Variants in VWA5A observed in about 807,000 individuals in gnomAD.
The protein encoded by VWA5A is von Willebrand factor A domain containing 5A, also known as von Willebrand factor A domain-containing protein 5A.
VWA5A carries 77 observed loss-of-function variants against 84.6 expected under a neutral mutation model. The observed-to-expected ratio is 0.91, with a 90% CI of 0.76 to 1.10. VWA5A has a LOEUF of 1.10. Among genes scored for constraint, VWA5A ranks in the 50% least tolerant of loss-of-function variants. The probability of loss-of-function intolerance (pLI) is 0.00; values close to 1 mark genes in which losing one functional copy is unlikely to be tolerated. For synonymous variants in VWA5A, 334 were observed against 350.1 expected, an observed-to-expected ratio of 0.95 and a Z score of 0.51; for missense variants, 973 against 963.0, an observed-to-expected ratio of 1.01 and a Z score of -0.14.
chr11:124,118,104 G>T (rs1234960787), intron 4 of VWA5A, 85 bp from the exon 5 acceptor site: 27 of 1,428,270 alleles, frequency 1.9e-5, no homozygotes, highest in Non-Finnish European at 2.5e-5. Flanking sequence ...CAATCACACA[G>T]TCGCTCTGCA....
At chr11:124,134,010 A>G (rs1865135822) in intron 11 of VWA5A, among the ~76,000 whole-genome samples, 2 of 152,224 alleles carry the variant, frequency 1.3e-5, no homozygotes, top group Non-Finnish European at 2.9e-5. Context: ...CACCACACCC[A>G]GCCAATATTG....
At chr11:124,134,584 T>C (rs972011010) in intron 11 of VWA5A, among the ~76,000 whole-genome samples, 13 of 152,098 alleles carry the variant, frequency 8.5e-5, no homozygotes, top group Admixed American at 8.5e-4. Context: ...CAGAGAGATC[T>C]TGCAGTAAGA....
In VWA5A at chr11:124,138,148, C is replaced by T. The variant is rs539830043; in HGVS notation, c.1879+880C>T. On this transcript the variant is annotated intron_variant, in intron 15 of 18. Transcript: ENST00000456829. Reference sequence around the variant, plus strand: ...TTGTTGCAAATAACAGAATTTTGTTCTTTTTTATGGCTGAATAATGTTACA... The same window carrying T: ...TTGTTGCAAATAACAGAATTTTGTTTTTTTTTATGGCTGAATAATGTTACA... Among the ~76,000 whole-genome samples the T allele has an allele frequency of 6.6e-5, 10 of 152,230 alleles. No homozygotes were observed. The South Asian group carries it at 2.1e-3, about 32-fold the overall frequency.
At chr11:124,118,890 T>C (rs1864885941) in intron 6 of VWA5A, 85 bp from the exon 7 acceptor site, 4 of 1,408,122 alleles carry the variant, frequency 2.8e-6, no homozygotes, top group Non-Finnish European at 3.9e-6. Flanking sequence ...TGCTGTCTTA[T>C]GGAGGAGGAC....
In VWA5A at chr11:124,122,948, C is replaced by A; in HGVS notation, c.761-12C>A. The A allele has an allele frequency of 6.2e-7, 1 of 1,607,678 alleles. No homozygotes were observed. The highest frequency in any genetic ancestry group is 1.1e-5 in the South Asian group (1 of 89,946). ...CTTTTTGTCTTACAGTGGCTTTATC[C>A]TTTCTGAACAGGTCATTTGATGGGA... On this transcript the variant is annotated splice_polypyrimidine_tract_variant and intron_variant, in intron 7 of 18. Transcript: ENST00000456829.
At position 124,117,846 on chromosome 11, in the gene VWA5A, A is replaced by G. The variant is rs1864859986; in HGVS notation, c.217A>G (p.Ile73Val). Residue 73 changes from isoleucine to valine, a missense_variant, in exon 4 of 19, where the codon ATT becomes GTT. Coordinates refer to ENST00000456829, the MANE Select transcript of VWA5A (RefSeq NM_001130142.2). ...SFEALVDGKK[I>V]VAELQDKMKA... The stretch of plus-strand genomic sequence containing the variant: ...TGAGGCCTTGGTGGATGGGAAGAAA[A>G]TTGTAGCAGAATTACAAGACAAGAT... 2 of 1,614,046 alleles carry G rather than the reference A, an allele frequency of 1.2e-6. No homozygotes were observed. The highest frequency in any genetic ancestry group is 1.7e-6 in the Non-Finnish European group (2 of 1,180,030).
At chr11:124,140,126 T>C (rs1387696490) in intron 15 of VWA5A, among the ~76,000 whole-genome samples, 4 of 152,214 alleles carry the variant, frequency 2.6e-5, no homozygotes, top group Non-Finnish European at 5.9e-5. Flanking sequence ...TTTCATCTCT[T>C]GGATGAATCA....
chr11:124,140,211 A>G (rs1860699793), intron 15 of VWA5A, among the ~76,000 whole-genome samples: 1 of 152,184 alleles, frequency 6.6e-6, no homozygotes, highest in Non-Finnish European at 1.5e-5. Context: ...AGGATTGTGC[A>G]TCTATGTTAA....
intron 7 of VWA5A, 132 bp downstream of exon 7, chr11:124,119,221 C>T (rs986418365): frequency 3.7e-6 from 3 of 815,378 alleles, no homozygotes; most frequent in Admixed American, 5.2e-5. Context: ...AAATAGTTTA[C>T]ACTATGTCAT....
intron 11 of VWA5A, among the ~76,000 whole-genome samples, chr11:124,125,085 C>T (rs1864998804): frequency 6.6e-6 from 1 of 152,082 alleles, no homozygotes; most frequent in East Asian, 1.9e-4. Flanking sequence ...TGCATACATA[C>T]CTATTTATAT....
At chr11:124,143,041 G>A (rs1475377826) in intron 17 of VWA5A, among the ~76,000 whole-genome samples, 1 of 152,166 alleles carries the variant, frequency 6.6e-6, no homozygotes, top group African/African-American at 2.4e-5. Flanking sequence ...AGTTTACCTA[G>A]CCCATCAGTG....
Position 124,123,716 on chromosome 11 carries a change from T to G in VWA5A, c.1076T>G (p.Leu359Arg). ...GAGGAGGCTCTGGGGAGAGTGAAGC[T>G]TATGCAGGCCGACCTAGGGGGCACT... ...TMEEALGRVK[L>R]MQADLGGTEI... Residue 359 changes from leucine (L) to arginine (R), a missense_variant, in exon 10 of 19, where the codon CTT becomes CGT. Leu to Arg is a moderately radical substitution (Grantham distance 102). Coordinates refer to ENST00000456829, the MANE Select transcript of VWA5A (RefSeq NM_001130142.2). 6.2e-7 allele frequency: 1 copy of G among 1,613,602 alleles called. No individual in the cohort carries two copies. The highest frequency in any genetic ancestry group is 1.1e-5 in the South Asian group (1 of 91,000).
chr11:124,122,197 C>A (rs1042795972), intron 7 of VWA5A, among the ~76,000 whole-genome samples: 2 of 152,212 alleles, frequency 1.3e-5, no homozygotes, highest in Admixed American at 6.5e-5. Flanking sequence ...TTCTGTAAAG[C>A]TGGAGTTAAC....
intron 3 of VWA5A, 36 bp downstream of exon 3, chr11:124,117,590 T>A (rs766849088): frequency 2.5e-6 from 4 of 1,614,162 alleles, no homozygotes; most frequent in East Asian, 2.2e-5. Context: ...TGCCATTGAA[T>A]CTTTGGCACC....
At chr11:124,122,872 C>G in intron 7 of VWA5A, 88 bp from the exon 8 acceptor site, 1 of 1,366,392 alleles carries the variant, frequency 7.3e-7, no homozygotes. Flanking sequence ...TTTCCTAGCT[C>G]TTAATTGAAT....
At chr11:124,125,314 G>A (rs1349624347) in intron 11 of VWA5A, among the ~76,000 whole-genome samples, 3 of 149,074 alleles carry the variant, frequency 2.0e-5, no homozygotes, top group African/African-American at 7.4e-5. Context: ...ATGGAGTCTC[G>A]CTCTTTCGCC....
chr11:124,145,264 A>C lies in VWA5A; in HGVS notation c.2182A>C (p.Ile728Leu). The C allele has an allele frequency of 6.2e-7, 1 of 1,613,808 alleles. No individual in the cohort carries two copies. The highest frequency in any genetic ancestry group is 1.3e-5 in the African/African-American group (1 of 75,010). ...ELVDSSGWAT[I>L]LAVIWLHSNG... ...TGTGGATTCCTCAGGCTGGGCCACC[A>C]TCCTGGCCGTGATCTGGCTGCACAG... The change falls in exon 18 of 19, where the codon ATC becomes CTC. Residue 728 changes from isoleucine (I) to leucine (L), a missense_variant. Physicochemically the swap from Ile to Leu is conservative, Grantham distance 5 (BLOSUM62 2). Transcript: ENST00000456829.
chr11:124,145,178 T>G (rs903657231), intron 17 of VWA5A, 59 bp from the exon 18 acceptor site: 7 of 1,550,764 alleles, frequency 4.5e-6, no homozygotes, highest in Non-Finnish European at 4.4e-6. Context: ...GGAGTGAAGC[T>G]TTTTGCATCC....
In VWA5A at chr11:124,136,995, T is replaced by C. The variant is rs1206075130; in HGVS notation, c.1626-20T>C. ...GATGTCTTTCCCTACATTTCAGTAC[T>C]TTTTTTTTTTTCCTTTCAGCCTCAC... is the stretch of plus-strand genomic sequence containing the variant. On this transcript the variant is annotated intron_variant, in intron 14 of 18. Coordinates refer to ENST00000456829, the MANE Select transcript of VWA5A (RefSeq NM_001130142.2). 2.1e-5 allele frequency: 9 copies of C among 423,300 alleles called. No individual in the cohort carries two copies. In the South Asian group the frequency reaches 4.7e-4, roughly 22 times the overall value. 26.2% of individuals were successfully genotyped at this position (423,300 alleles called of 1,614,324 possible). A position where few individuals can be genotyped will look rare whatever the true frequency, so the allele number is the denominator to read the frequency against.
Sources: allele counts gnomAD v4.1 joint callset (sites outside exome capture counted in the v4.1 genomes callset), GRCh38; gene constraint gnomAD v4.1.1; transcripts MANE v1.5; gene names NCBI Gene and HGNC (gene_info 2026-07-23, HGNC 2026-07-21).